PTPRA: variants seen among roughly 807,000 people sequenced by gnomAD.
PTPRA encodes the protein receptor-type tyrosine-protein phosphatase alpha.
In PTPRA, 25 loss-of-function variants were observed where a neutral mutation model predicts 104.8. That is an observed-to-expected ratio of 0.24 (90% CI 0.17 to 0.33). The LOEUF is 0.33. PTPRA is among the 10% of genes least tolerant of loss of function. The pLI is 1.00. For synonymous variants in PTPRA, 323 were observed against 368.9 expected, an observed-to-expected ratio of 0.88 and a Z score of 1.43; for missense variants, 765 against 1,015.3, an observed-to-expected ratio of 0.75 and a Z score of 3.35.
chr20:2,967,497 A>G (rs1405971493), intron 5 of PTPRA, among the ~76,000 whole-genome samples: 1 of 152,188 alleles, frequency 6.6e-6, no homozygotes, highest in African/African-American at 2.4e-5. Context: ...ATAAGTATAA[A>G]TGGATTGTTT....
chr20:2,989,755 C>A (rs138124817), intron 9 of PTPRA, among the ~76,000 whole-genome samples: 2 of 152,288 alleles, frequency 1.3e-5, no homozygotes, highest in East Asian at 1.9e-4. Flanking sequence ...CGGTGGCTCA[C>A]GCCTGTAATC....
the PTPRA span, chr20:2,864,214 A>G: frequency 2.5e-6 from 4 of 1,613,988 alleles, no homozygotes; most frequent in Admixed American, 3.3e-5. This position sits in a 1 kb window ranked among gnomAD's most constrained non-coding sequence, Gnocchi z 5.2. Context: ...GGGAGCAGGT[A>G]CCCCTTCTCC....
intron 10 of PTPRA, among the ~76,000 whole-genome samples, chr20:3,005,380 C>T (rs1165757159): frequency 6.6e-6 from 1 of 151,974 alleles, no homozygotes; most frequent in South Asian, 2.1e-4. Flanking sequence ...GAGACCTCAT[C>T]TCTACAAAAA....
chr20:2,865,179 T>A, the PTPRA span: 1 of 1,614,182 alleles, frequency 6.2e-7, no homozygotes, highest in East Asian at 2.2e-5. This position sits in a 1 kb window ranked among gnomAD's most constrained non-coding sequence, Gnocchi z 5.2. Context: ...CTCCTACGGC[T>A]GCAGCGGCGC....
At chr20:2,880,259 G>A (rs1209736707) in intron 1 of PTPRA, among the ~76,000 whole-genome samples, 1 of 152,168 alleles carries the variant, frequency 6.6e-6, no homozygotes, top group African/African-American at 2.4e-5. Context: ...AGAAAATTTA[G>A]AACTTTTTAT....
In PTPRA at chr20:2,965,210, A is replaced by C; in HGVS notation, c.415+8A>C. ...AAACTTTCCCTCCTTCAGGTACTAG[A>C]GATGATTCTGTTTGTTCTTTTGCTC... On this transcript the variant is annotated splice_region_variant and intron_variant, in intron 5 of 23. Coordinates refer to ENST00000399903, the MANE Select transcript of PTPRA (RefSeq NM_001385305.1). 6.3e-7 allele frequency: 1 copy of C among 1,583,976 alleles called. No homozygotes were observed.
intron 3 of PTPRA, chr20:2,955,643 A>ATTT: frequency 4.1e-6 from 4 of 985,280 alleles, no homozygotes; most frequent in Non-Finnish European, 2.4e-6. Context: ...TTTCAAGCTG[A>ATTT]TTTCTCTCAC....
chr20:2,911,444 A>G (rs1215525184), intron 1 of PTPRA, among the ~76,000 whole-genome samples: 1 of 152,174 alleles, frequency 6.6e-6, no homozygotes, highest in Non-Finnish European at 1.5e-5. Context: ...GTTTTGATGA[A>G]CTATGTGAAG....
intron 3 of PTPRA, among the ~76,000 whole-genome samples, chr20:2,951,490 T>A (rs2061353084): frequency 6.6e-6 from 1 of 152,124 alleles, no homozygotes; most frequent in African/African-American, 2.4e-5. Context: ...TTTATGTCGC[T>A]CTCATAGGAC....
chr20:2,938,627 TCTA>T (rs2060795584), intron 2 of PTPRA, among the ~76,000 whole-genome samples: 1 of 152,218 alleles, frequency 6.6e-6, no homozygotes, highest in Admixed American at 6.5e-5. Flanking sequence ...TTCTTTTCAA[TCTA>T]CTTTCTCTCT....
chr20:3,000,937 G>C (rs1325624309), intron 9 of PTPRA, among the ~76,000 whole-genome samples: 1 of 152,094 alleles, frequency 6.6e-6, no homozygotes, highest in East Asian at 1.9e-4. Flanking sequence ...CCCAAAGAGA[G>C]CTTCTAAGTT....
chr20:3,014,480 G>T (rs986914258), intron 11 of PTPRA, among the ~76,000 whole-genome samples: 1 of 152,020 alleles, frequency 6.6e-6, no homozygotes, highest in African/African-American at 2.4e-5. Flanking sequence ...TCTAATTTTT[G>T]TAAAAATACA....
At chr20:2,974,095 C>T (rs1475307927) in intron 5 of PTPRA, among the ~76,000 whole-genome samples, 5 of 151,516 alleles carry the variant, frequency 3.3e-5, no homozygotes, top group African/African-American at 9.7e-5. Context: ...GGACTACAGG[C>T]GTACACCACC....
chr20:3,005,257 G>C, intron 10 of PTPRA, 111 bp downstream of exon 10: 2 of 1,059,780 alleles, frequency 1.9e-6, no homozygotes, highest in Non-Finnish European at 2.9e-6. Flanking sequence ...AATAACAAGA[G>C]TGCGTTCATG....
intron 9 of PTPRA, among the ~76,000 whole-genome samples, chr20:2,991,216 A>G (rs1039026286): frequency 6.6e-6 from 1 of 152,030 alleles, no homozygotes; most frequent in Non-Finnish European, 1.5e-5. Flanking sequence ...AAAATTAGCC[A>G]GGCGTGGTGG....
rs1046914704 is a variant in PTPRA, at chr20:2,961,056, G to T, written c.-6-3216G>T. ...CTGAAGGATATCTTGATTGCTCCCA[G>T]TCGTGGCAATTATAAATAAAGTTGC... On this transcript the variant is annotated intron_variant, in intron 3 of 23. Transcript: ENST00000399903. Among the ~76,000 whole-genome samples the T allele has an allele frequency of 2.6e-5, 4 of 152,230 alleles. No homozygotes were observed. In the East Asian group the frequency reaches 7.7e-4, roughly 29 times the overall value.
chr20:2,985,962 T>C (rs575292493), intron 6 of PTPRA, among the ~76,000 whole-genome samples: 1 of 151,994 alleles, frequency 6.6e-6, no homozygotes, highest in African/African-American at 2.4e-5. Flanking sequence ...CAGGGTGGAG[T>C]GTAGTGTACA....
In PTPRA at chr20:2,950,143, G is replaced by C. The variant is rs200001392; in HGVS notation, c.-7+2119G>C. ...TCACCTATAATAGCATCTGGGTCCAGTGTTTTTTATGTGGGACAAATTTGA... is the reference window on the plus strand; with the variant it reads ...TCACCTATAATAGCATCTGGGTCCACTGTTTTTTATGTGGGACAAATTTGA... On this transcript the variant is annotated intron_variant, in intron 3 of 23. Transcript: ENST00000399903. The surrounding 1 kb of genome is among the most constrained non-coding windows in gnomAD (Gnocchi z 4.0). 2.2e-4 allele frequency among the ~76,000 whole-genome samples: 33 copies of C among 152,234 alleles called. No homozygotes were observed. In the East Asian group the frequency reaches 6.4e-3, roughly 29 times the overall value.
At chr20:2,923,160 C>A in intron 1 of PTPRA, 47 bp from the exon 2 acceptor site, 1 of 853,918 alleles carries the variant, frequency 1.2e-6, no homozygotes, top group Admixed American at 3.1e-5. Flanking sequence ...GAACAATCTG[C>A]TCAGGGATGT....
Sources: gnomAD v4.1 joint callset for allele counts (sites outside exome capture counted in the v4.1 genomes callset) on GRCh38, gnomAD v4.1.1 for gene constraint, Gnocchi (gnomAD v3.1) non-coding constraint, MANE v1.5 for transcripts, NCBI Gene and HGNC (gene_info 2026-07-23, HGNC 2026-07-21) for gene names.